TNS1: variants seen among roughly 807,000 people sequenced by gnomAD.
The protein encoded by TNS1 is tensin-1.
A neutral mutation model predicts 168.6 loss-of-function variants in TNS1; 62 were observed. The ratio of observed to expected loss-of-function variants is 0.37; its 90% CI spans 0.30 to 0.45. The LOEUF (loss-of-function observed/expected upper bound fraction) is 0.45. Ranked by LOEUF, TNS1 falls within the 20% of genes least tolerant of loss-of-function variation. The probability of loss-of-function intolerance (pLI) is 1.00; values close to 1 mark genes in which losing one functional copy is unlikely to be tolerated. For synonymous variants in TNS1, 934 were observed against 933.2 expected (o/e 1.00, Z -0.02); for missense variants, 2,240 against 2,339.4 (o/e 0.96, Z 0.88).
intron 3 of TNS1, among the ~76,000 whole-genome samples, chr2:217,936,448 G>A (rs541029945): frequency 2.0e-5 from 3 of 152,100 alleles, no homozygotes; most frequent in South Asian, 2.1e-4. Context: ...AATCCAGGAG[G>A]GGAGGATGGT....
chr2:217,953,035 CT>C (rs1002851540), intron 3 of TNS1, among the ~76,000 whole-genome samples: 7 of 152,254 alleles, frequency 4.6e-5, no homozygotes, highest in African/African-American at 1.7e-4. Context: ...GCTCAGGCCT[CT>C]GCATCACACT....
At chr2:217,831,874 C>T (rs576491776) in intron 21 of TNS1, among the ~76,000 whole-genome samples, 11 of 152,202 alleles carry the variant, frequency 7.2e-5, no homozygotes, top group African/African-American at 1.2e-4. Context: ...ATACCACACA[C>T]GCAGGCTTTT....
chr2:217,855,173 A>G (rs777545617), intron 18 of TNS1, among the ~76,000 whole-genome samples: 1 of 152,092 alleles, frequency 6.6e-6, no homozygotes, highest in Non-Finnish European at 1.5e-5. Context: ...CCTTTTCCCA[A>G]CAGGCCTCTG....
chr2:217,948,834 T>C lies in TNS1; in HGVS notation c.187-28598A>G, dbSNP rs1957176400. On this transcript the variant is annotated intron_variant, in intron 3 of 32. Coordinates refer to ENST00000682258, the MANE Select transcript of TNS1 (RefSeq NM_001387777.1). The surrounding 1 kb of genome is among the most constrained non-coding windows in gnomAD (Gnocchi z 4.1). ...TCATTGGCATGCATCTGCATTTGCATCCTCTCTCAAAGTGCAGAAATGTGC... is the reference window on the plus strand; with the variant it reads ...TCATTGGCATGCATCTGCATTTGCACCCTCTCTCAAAGTGCAGAAATGTGC... 1.3e-5 allele frequency among the ~76,000 whole-genome samples: 2 copies of C among 152,174 alleles called. No homozygotes were observed. The highest frequency in any genetic ancestry group is 2.9e-5 in the Non-Finnish European group (2 of 68,016).
intron 18 of TNS1, among the ~76,000 whole-genome samples, chr2:217,878,190 C>T (rs1407421004): frequency 2.0e-5 from 3 of 152,200 alleles, no homozygotes; most frequent in South Asian, 2.1e-4. Flanking sequence ...CAGTGGCCTC[C>T]GGGGTGCCAC....
At position 217,817,902 on chromosome 2, in the gene TNS1, T is replaced by C. The variant is rs1202405737; in HGVS notation, c.4430A>G (p.Asp1477Gly). 3.1e-6 allele frequency: 5 copies of C among 1,613,634 alleles called. No individual in the cohort carries two copies. The change falls in exon 24 of 33, where the codon GAC (aspartate) becomes GGC (glycine). Residue 1477 changes from aspartate (D) to glycine (G), a missense_variant. By Grantham distance (94) the Asp-to-Gly change is moderately conservative. Transcript: ENST00000682258. ...GCTCCCTTGCCGGAAGGCTGCGGAGTCTGGTGACGGGGAGGTGGCAGGGCT... is the reference window on the plus strand; with the variant it reads ...GCTCCCTTGCCGGAAGGCTGCGGAGCCTGGTGACGGGGAGGTGGCAGGGCT... ...LSSPATSPSP[D>G]SAAFRQGSPT... is the part of the protein sequence containing the mutation.
At chr2:217,845,370 A>G (rs1946499306) in intron 19 of TNS1, among the ~76,000 whole-genome samples, 1 of 152,186 alleles carries the variant, frequency 6.6e-6, no homozygotes, top group African/African-American at 2.4e-5. Flanking sequence ...TGCCTCCCAG[A>G]CTTTTCCACA....
intron 3 of TNS1, among the ~76,000 whole-genome samples, chr2:217,960,782 C>T (rs1035605410): frequency 6.6e-6 from 1 of 152,136 alleles, no homozygotes; most frequent in African/African-American, 2.4e-5. Flanking sequence ...CTCCTTAGGA[C>T]AACCCCAATT....
At chr2:217,837,932 C>T (rs1175474676) in intron 19 of TNS1, among the ~76,000 whole-genome samples, 1 of 152,220 alleles carries the variant, frequency 6.6e-6, no homozygotes, top group Non-Finnish European at 1.5e-5. Flanking sequence ...CTCCCCGGAG[C>T]CCCCATCCCA....
upstream of TNS1, among the ~76,000 whole-genome samples, chr2:218,013,974 A>G (rs899085529): frequency 2.0e-5 from 3 of 152,142 alleles, no homozygotes; most frequent in African/African-American, 7.2e-5. Context: ...TCCCCCAGAG[A>G]AGCAAGAAAA....
chr2:217,856,934 C>T (rs775083513), intron 18 of TNS1, among the ~76,000 whole-genome samples: 23 of 152,172 alleles, frequency 1.5e-4, no homozygotes, highest in Non-Finnish European at 2.8e-4. Context: ...TCACCAGTGT[C>T]ACCTACAAGC....
Position 217,897,897 on chromosome 2 carries a change from G to A in TNS1, c.444C>T (p.Ile148=), listed in dbSNP as rs778958117. ...TGGCTGTGCTGGGGAAGGAGACAGC[G>A]ATGATCCTCTCTGTGACGTACACCA... ...LDLVYVTERI[I]AVSFPSTANE... is the part of the protein sequence containing the mutation. The change falls in exon 8 of 33, where the codon ATC becomes ATT. Residue 148 remains isoleucine, a synonymous_variant. Coordinates refer to ENST00000682258, the MANE Select transcript of TNS1 (RefSeq NM_001387777.1). The A allele has an allele frequency of 5.6e-6, 9 of 1,613,566 alleles. No homozygotes were observed. The highest frequency in any genetic ancestry group is 1.6e-4 in the Middle Eastern group (1 of 6,076).
chr2:217,893,622 G>A (rs977262694), intron 9 of TNS1, 61 bp from the exon 10 acceptor site: 25 of 1,541,796 alleles, frequency 1.6e-5, no homozygotes, highest in Middle Eastern at 2.4e-4. Flanking sequence ...ACAAGCCAGC[G>A]GGAGCCACCT....
At chr2:217,978,119 A>C (rs1310446919) in intron 3 of TNS1, among the ~76,000 whole-genome samples, 1 of 152,104 alleles carries the variant, frequency 6.6e-6, no homozygotes, top group African/African-American at 2.4e-5. Context: ...CTGGCCAACC[A>C]GGGCCCAGCA....
rs777988243 is a variant in TNS1 at position 217,817,944 on chromosome 2, T to C, written c.4388A>G (p.Tyr1463Cys). 10 of 1,611,048 alleles carry C rather than the reference T, an allele frequency of 6.2e-6. No homozygotes were observed. The highest frequency in any genetic ancestry group is 8.5e-6 in the Non-Finnish European group (10 of 1,178,656). Reference protein sequence around the residue: ...STPSFPVSPAYYPGLSSPATS... With the variant: ...STPSFPVSPACYPGLSSPATS... ...GGCAGGGCTGCTCAGGCCAGGGTAGTAGGCAGGGGAGACAGGGAAGGAGGG... is the reference window on the plus strand; with the variant it reads ...GGCAGGGCTGCTCAGGCCAGGGTAGCAGGCAGGGGAGACAGGGAAGGAGGG... Residue 1463 changes from tyrosine (Y) to cysteine (C), a missense_variant, in exon 24 of 33, where the codon TAC becomes TGC. Transcript: ENST00000682258.
chr2:217,883,986 G>A (rs1483175623), intron 16 of TNS1, among the ~76,000 whole-genome samples: 3 of 152,174 alleles, frequency 2.0e-5, no homozygotes, highest in African/African-American at 4.8e-5. Flanking sequence ...ATCACTTCAG[G>A]CAACACTTCA....
rs71403015 is a variant in TNS1 at position 217,804,256 on chromosome 2, TTCTCTCTCTC to T, written c.*193_*202del. ...GAATCCAAGTTCTTCTCCTCCATCT[TTCTCTCTCTC>T]TCTCTCTCTCTCTCTCTCTCTCTTT... On this transcript the variant is annotated 3_prime_UTR_variant, in exon 33 of 33. Coordinates refer to ENST00000682258, the MANE Select transcript of TNS1 (RefSeq NM_001387777.1). 112 of 416,938 alleles carry T rather than the reference TTCTCTCTCTC, an allele frequency of 2.7e-4. No homozygotes were observed. The highest frequency in any genetic ancestry group is 1.2e-3 in the African/African-American group (53 of 44,284). 25.8% of individuals were successfully genotyped at this position (416,938 alleles called of 1,614,324 possible).
intron 2 of TNS1, among the ~76,000 whole-genome samples, chr2:217,984,767 T>TTTC (rs1491179054): frequency 7.0e-6 from 1 of 143,080 alleles, no homozygotes; most frequent in African/African-American, 2.8e-5. Context: ...TTTTTTTTTT[T>TTTC]CCCCCCAAGA....
chr2:217,957,887 T>C (rs1449203481), intron 3 of TNS1, among the ~76,000 whole-genome samples: 1 of 135,132 alleles, frequency 7.4e-6, no homozygotes, highest in Non-Finnish European at 1.6e-5. Context: ...GGAGAACAGA[T>C]GAAACAAAAA....
Sources: allele counts gnomAD v4.1 joint callset (sites outside exome capture counted in the v4.1 genomes callset), GRCh38; gene constraint gnomAD v4.1.1; non-coding constraint Gnocchi (gnomAD v3.1); transcripts MANE v1.5; gene names NCBI Gene and HGNC (gene_info 2026-07-23, HGNC 2026-07-21).